Variants in HMGCLL1 observed in about 807,000 individuals in gnomAD.
HMGCLL1 encodes 3-hydroxymethyl-3-methylglutaryl-CoA lyase, cytoplasmic.
In HMGCLL1, 36 loss-of-function variants were observed where a neutral mutation model predicts 39.1. The observed-to-expected ratio is 0.92, with a 90% CI of 0.71 to 1.22. The LOEUF (loss-of-function observed/expected upper bound fraction) is 1.22, where lower values mean the gene tolerates loss of function less well. Among genes scored for constraint, HMGCLL1 ranks in the 50% most tolerant of loss-of-function variants. The pLI is 0.00. For synonymous variants in HMGCLL1, 149 were observed against 144.0 expected (o/e 1.03, Z -0.25); for missense variants, 451 against 416.5 (o/e 1.08, Z -0.72).
chr6:55,596,996 C>T, the HMGCLL1 span, among the ~76,000 whole-genome samples: 1 of 151,906 alleles, frequency 6.6e-6, no homozygotes, highest in Non-Finnish European at 1.5e-5. Flanking sequence ...ATTAAAATAA[C>T]ACGTTATATA....
intron 3 of HMGCLL1, among the ~76,000 whole-genome samples, chr6:55,535,486 G>T (rs567938068): frequency 1.3e-5 from 2 of 152,244 alleles, no homozygotes; most frequent in East Asian, 1.9e-4. Context: ...TGAGAGTTGG[G>T]TCATAATATG....
At chr6:55,530,316 A>G (rs781178093) in intron 3 of HMGCLL1, among the ~76,000 whole-genome samples, 33 of 152,078 alleles carry the variant, frequency 2.2e-4, no homozygotes, top group Non-Finnish European at 4.3e-4. Flanking sequence ...TATAACCTAT[A>G]AGTTTTTGCA....
At chr6:55,517,109 C>T (rs1767781333) in intron 3 of HMGCLL1, among the ~76,000 whole-genome samples, 1 of 151,976 alleles carries the variant, frequency 6.6e-6, no homozygotes, top group African/African-American at 2.4e-5. Flanking sequence ...AGCATTGGTG[C>T]TTTAGTTAGT....
chr6:55,443,782 G>A (rs932046398), intron 7 of HMGCLL1, among the ~76,000 whole-genome samples: 1 of 151,906 alleles, frequency 6.6e-6, no homozygotes, highest in South Asian at 2.1e-4. Flanking sequence ...AAGAATACTG[G>A]CATTGAAATA....
chr6:55,626,241 T>A, the HMGCLL1 span, among the ~76,000 whole-genome samples: 7 of 152,148 alleles, frequency 4.6e-5, no homozygotes, highest in African/African-American at 1.4e-4. Context: ...TTCCCTATCC[T>A]GCACACAATG....
chr6:55,451,452 G>A (rs978833199), intron 7 of HMGCLL1, among the ~76,000 whole-genome samples: 5 of 152,008 alleles, frequency 3.3e-5, no homozygotes, highest in African/African-American at 9.6e-5. Flanking sequence ...GCAAAACCCC[G>A]TCTCCACTAA....
chr6:55,603,132 C>G, the HMGCLL1 span, among the ~76,000 whole-genome samples: 6 of 152,062 alleles, frequency 3.9e-5, no homozygotes, highest in Admixed American at 3.9e-4. Flanking sequence ...ATAAATTATT[C>G]TCGTTTCTAA....
At chr6:55,481,335 T>G (rs1765732362) in intron 7 of HMGCLL1, among the ~76,000 whole-genome samples, 1 of 151,994 alleles carries the variant, frequency 6.6e-6, no homozygotes, top group Non-Finnish European at 1.5e-5. Context: ...CTATCCAGCC[T>G]GGGTGACAAA....
the HMGCLL1 span, among the ~76,000 whole-genome samples, chr6:55,654,723 A>G: frequency 2.0e-5 from 3 of 152,078 alleles, no homozygotes; most frequent in East Asian, 3.9e-4. Flanking sequence ...CTGAAATATT[A>G]TATTGAAACA....
At chr6:55,648,104 A>AT in the HMGCLL1 span, among the ~76,000 whole-genome samples, 46 of 134,450 alleles carry the variant, frequency 3.4e-4, no homozygotes, top group South Asian at 1.0e-2. Context: ...TGAACTCATC[A>AT]TTTTTTATGG....
chr6:55,579,909 A>G (rs765831700), upstream of HMGCLL1, among the ~76,000 whole-genome samples: 20 of 152,184 alleles, frequency 1.3e-4, no homozygotes, highest in Non-Finnish European at 2.2e-4. Flanking sequence ...CCACCGGCCT[A>G]CCTTCCCCCC....
chr6:55,647,755 TTTTA>T, the HMGCLL1 span, among the ~76,000 whole-genome samples: 1,066 of 111,750 alleles, frequency 9.5e-3, 13 homozygotes, highest in African/African-American at 0.035. Context: ...CTTTTTTTTT[TTTTA>T]TTTTATTTTA....
intron 3 of HMGCLL1, among the ~76,000 whole-genome samples, chr6:55,539,146 A>G (rs1375770631): frequency 6.6e-6 from 1 of 152,188 alleles, no homozygotes; most frequent in Non-Finnish European, 1.5e-5. Flanking sequence ...CAGTTAATTT[A>G]GCAGTAGCTT....
rs1265009395 is a variant in HMGCLL1 at position 55,543,156 on chromosome 6, AT to A, written c.109-1017del. 1.3e-3 allele frequency among the ~76,000 whole-genome samples: 9 copies of A among 6,976 alleles called. 2 individuals are homozygous for A. The highest frequency in any genetic ancestry group is 2.1e-3 in the African/African-American group (6 of 2,798). 4.6% of individuals were successfully genotyped at this position (6,976 alleles called of 152,430 possible). A position where few individuals can be genotyped will look rare whatever the true frequency, so the allele number is the denominator to read the frequency against. ...ATATGATATATTATATATTATATAT[AT>A]TATATATATAATATATAATATATAA... On this transcript the variant is annotated intron_variant, in intron 1 of 8. Transcript: ENST00000274901.
the HMGCLL1 span, among the ~76,000 whole-genome samples, chr6:55,662,865 G>A: frequency 6.6e-6 from 1 of 151,562 alleles, no homozygotes; most frequent in African/African-American, 2.4e-5. Flanking sequence ...TTAAATTTCA[G>A]AGCTAATTAT....
chr6:55,598,909 A>G, the HMGCLL1 span, among the ~76,000 whole-genome samples: 8 of 152,180 alleles, frequency 5.3e-5, no homozygotes, highest in Non-Finnish European at 2.9e-5. Context: ...TTATCTGAAC[A>G]ATAACATTTA....
At chr6:55,477,134 A>C (rs1201464728) in intron 7 of HMGCLL1, among the ~76,000 whole-genome samples, 6 of 75,500 alleles carry the variant, frequency 7.9e-5, no homozygotes, top group African/African-American at 3.0e-4. Context: ...ATATATATAT[A>C]ATAGATATAA....
chr6:55,635,489 G>C, the HMGCLL1 span, among the ~76,000 whole-genome samples: 1 of 152,028 alleles, frequency 6.6e-6, no homozygotes, highest in Non-Finnish European at 1.5e-5. Flanking sequence ...AAGGGATTAA[G>C]TTTCATATGT....
In HMGCLL1 at chr6:55,475,140, A is replaced by C. The variant is rs937581414; in HGVS notation, c.795+20279T>G. ...CTACAGGAAGTCTATTGTGGGCTGG[A>C]GAATGATGAATACCCTTTCCCCAGC... On this transcript the variant is annotated intron_variant, in intron 7 of 8. Coordinates refer to ENST00000274901, the MANE Select transcript of HMGCLL1 (RefSeq NM_001042406.2). 2.0e-5 allele frequency among the ~76,000 whole-genome samples: 3 copies of C among 151,574 alleles called. No individual in the cohort carries two copies. The Admixed American group carries it at 2.0e-4, about 10-fold the overall frequency.
Sources: allele counts gnomAD v4.1 joint callset (sites outside exome capture counted in the v4.1 genomes callset), GRCh38; gene constraint gnomAD v4.1.1; transcripts MANE v1.5; gene names NCBI Gene and HGNC (gene_info 2026-07-23, HGNC 2026-07-21).